The following TOX variants were observed in gnomAD, a reference collection of about 807,000 sequenced individuals.
TOX encodes the protein thymocyte selection associated high mobility group box.
In TOX, 11 loss-of-function variants were observed where a neutral mutation model predicts 53.7. The observed-to-expected ratio is 0.20, with a 90% CI of 0.13 to 0.34. The LOEUF (loss-of-function observed/expected upper bound fraction) is 0.34. Ranked by LOEUF, TOX falls within the 10% of genes least tolerant of loss-of-function variation. The pLI is 1.00. For synonymous variants in TOX, 225 were observed against 245.3 expected (o/e 0.92, Z 0.77); for missense variants, 570 against 664.6 (o/e 0.86, Z 1.56).
At chr8:58,987,428 T>C (rs1287354577) in intron 1 of TOX, among the ~76,000 whole-genome samples, 1 of 152,154 alleles carries the variant, frequency 6.6e-6, no homozygotes, top group Non-Finnish European at 1.5e-5. Flanking sequence ...GGTCAAGACA[T>C]GGAGTAGAAT....
chr8:58,807,581 C>T lies in TOX; in HGVS notation c.*166G>A, dbSNP rs1810001387. On this transcript the variant is annotated 3_prime_UTR_variant, in exon 9 of 9. Transcript: ENST00000361421. ...AAGGATTAAAAAAATAATAAAGAAGCATGACTATTTCTTCCAGAGTGGGTG... is the reference window on the plus strand; with the variant it reads ...AAGGATTAAAAAAATAATAAAGAAGTATGACTATTTCTTCCAGAGTGGGTG... 1.6e-6 allele frequency: 1 copy of T among 635,512 alleles called. No homozygotes were observed. The highest frequency in any genetic ancestry group is 2.7e-6 in the Non-Finnish European group (1 of 369,448). 39.4% of individuals were successfully genotyped at this position (635,512 alleles called of 1,614,324 possible).
chr8:58,908,632 C>T (rs1318533249), intron 3 of TOX, among the ~76,000 whole-genome samples: 1 of 152,194 alleles, frequency 6.6e-6, no homozygotes, highest in Non-Finnish European at 1.5e-5. Context: ...ATGATCATAA[C>T]ATGTTTCAAT....
chr8:59,027,173 C>G (rs764722984), intron 1 of TOX, among the ~76,000 whole-genome samples: 4 of 152,094 alleles, frequency 2.6e-5, no homozygotes, highest in Non-Finnish European at 5.9e-5. Context: ...AAGTTATGTC[C>G]AGATTATCTA....
intron 3 of TOX, among the ~76,000 whole-genome samples, chr8:58,900,949 T>G (rs923367583): frequency 1.1e-4 from 16 of 152,244 alleles, no homozygotes; most frequent in African/African-American, 3.4e-4. Context: ...GTCAACAGAA[T>G]GCTTCTACAG....
intron 1 of TOX, among the ~76,000 whole-genome samples, chr8:59,078,576 C>A (rs936895701): frequency 6.6e-6 from 1 of 152,192 alleles, no homozygotes; most frequent in African/African-American, 2.4e-5. Flanking sequence ...CAGATGCCAG[C>A]ACCATGCTTC....
intron 1 of TOX, among the ~76,000 whole-genome samples, chr8:59,076,209 G>A (rs1039155835): frequency 9.2e-5 from 14 of 152,272 alleles, no homozygotes; most frequent in South Asian, 6.2e-4. Context: ...CCCCTGAGAC[G>A]GTAAGATAGG....
intron 3 of TOX, among the ~76,000 whole-genome samples, chr8:58,872,387 G>C (rs1811213794): frequency 6.6e-6 from 1 of 152,018 alleles, no homozygotes; most frequent in African/African-American, 2.4e-5. Context: ...TTCAGAAGGG[G>C]GGAGCACAAC....
At chr8:58,918,956 T>C (rs1282826280) in intron 3 of TOX, among the ~76,000 whole-genome samples, 2 of 151,550 alleles carry the variant, frequency 1.3e-5, no homozygotes, top group Non-Finnish European at 2.9e-5. Context: ...CCATTCACAA[T>C]TGCTTCAAAG....
At chr8:58,844,152 G>C (rs1355211084) in intron 4 of TOX, among the ~76,000 whole-genome samples, 1 of 152,154 alleles carries the variant, frequency 6.6e-6, no homozygotes, top group Non-Finnish European at 1.5e-5. Flanking sequence ...TTAAAGTCTA[G>C]AGCAGCACTG....
rs547710863 is a variant in TOX at position 59,028,239 on chromosome 8, CT to C, written c.103-68232del. Among the ~76,000 whole-genome samples the C allele has an allele frequency of 2.4e-4, 36 of 150,174 alleles. No individual in the cohort carries two copies. The East Asian group carries it at 3.9e-3, about 16-fold the overall frequency. ...CTTATCATTCCTCAATAAGAACGAA[CT>C]TTTTTTTTTCCTTCGAAAGGAAGTT... On this transcript the variant is annotated intron_variant, in intron 1 of 8. Transcript: ENST00000361421.
At chr8:59,043,226 C>A (rs976195968) in intron 1 of TOX, among the ~76,000 whole-genome samples, 1 of 92,450 alleles carries the variant, frequency 1.1e-5, no homozygotes, top group Non-Finnish European at 2.3e-5. Flanking sequence ...TGTGTGTGTG[C>A]ATCTGTGTGT....
At chr8:58,854,249 A>C (rs1194126876) in intron 3 of TOX, among the ~76,000 whole-genome samples, 1 of 152,228 alleles carries the variant, frequency 6.6e-6, no homozygotes, top group Non-Finnish European at 1.5e-5. Context: ...AAACACGTAC[A>C]GTCTGTAACA....
Position 58,807,559 on chromosome 8 carries a change from G to T in TOX, c.*188C>A. On this transcript the variant is annotated 3_prime_UTR_variant, in exon 9 of 9. Transcript: ENST00000361421. The stretch of plus-strand genomic sequence containing the variant: ...AAGAAGAAAAACAATGTCCATAAAG[G>T]ATTAAAAAAATAATAAAGAAGCATG... 2 of 596,436 alleles carry T rather than the reference G, an allele frequency of 3.4e-6. No homozygotes were observed. Among genetic ancestry groups the T allele is most frequent in the South Asian group, 5.0e-5 (2 of 39,884 alleles). 36.9% of individuals were successfully genotyped at this position (596,436 alleles called of 1,614,324 possible).
chr8:59,005,073 C>T (rs977926203), intron 1 of TOX, among the ~76,000 whole-genome samples: 1 of 150,086 alleles, frequency 6.7e-6, no homozygotes, highest in African/African-American at 2.5e-5. Context: ...GACTCTCGCT[C>T]TGTCGCCCAG....
rs538220962 is a variant in TOX, at chr8:58,828,707, T to C, written c.925-1805A>G. ...CATGAAACAGCTCTCCTGCTTTTCA[T>C]TGATTTATTTTTTTTTGAGAGACAG... is the stretch of plus-strand genomic sequence containing the variant. On this transcript the variant is annotated intron_variant, in intron 5 of 8. Transcript: ENST00000361421. 1.6e-4 allele frequency among the ~76,000 whole-genome samples: 25 copies of C among 152,234 alleles called. No individual in the cohort carries two copies. In the South Asian group the frequency reaches 4.6e-3, roughly 28 times the overall value.
intron 5 of TOX, among the ~76,000 whole-genome samples, chr8:58,827,432 A>G (rs918476184): frequency 6.6e-5 from 10 of 152,188 alleles, no homozygotes; most frequent in Admixed American, 5.9e-4. Context: ...TTGAAGTTCT[A>G]TTTTCAAAGA....
At chr8:58,843,483 T>A (rs912072664) in intron 4 of TOX, among the ~76,000 whole-genome samples, 2 of 152,216 alleles carry the variant, frequency 1.3e-5, no homozygotes, top group Non-Finnish European at 2.9e-5. Context: ...CTCCATTTTT[T>A]ATGAGATAAA....
At chr8:58,822,541 G>A (rs1388702472) in intron 6 of TOX, among the ~76,000 whole-genome samples, 1 of 152,206 alleles carries the variant, frequency 6.6e-6, no homozygotes, top group Non-Finnish European at 1.5e-5. Context: ...ACCAGCTGAG[G>A]TACCCACCCA....
chr8:58,930,762 C>G (rs543174879), intron 3 of TOX, among the ~76,000 whole-genome samples: 12 of 152,122 alleles, frequency 7.9e-5, no homozygotes, highest in Non-Finnish European at 1.5e-4. Context: ...TTTATTCCTT[C>G]TTTCCAGTCC....
Sources: allele counts gnomAD v4.1 joint callset (sites outside exome capture counted in the v4.1 genomes callset), GRCh38; gene constraint gnomAD v4.1.1; transcripts MANE v1.5; gene names NCBI Gene and HGNC (gene_info 2026-07-23, HGNC 2026-07-21).